The following ANKS1B variants were observed in gnomAD, a reference collection of about 807,000 sequenced individuals.
The protein encoded by ANKS1B is ankyrin repeat and sterile alpha motif domain containing 1B.
In ANKS1B, 36 loss-of-function variants were observed where a neutral mutation model predicts 148.3. The observed-to-expected ratio is 0.24, with a 90% CI of 0.19 to 0.32. The LOEUF is 0.32. Among genes scored for constraint, ANKS1B ranks in the 10% least tolerant of loss-of-function variants. The pLI is 1.00. For missense variants in ANKS1B, 1,157 were observed against 1,542.6 expected, an observed-to-expected ratio of 0.75 and a Z score of 4.19; for synonymous variants, 542 against 560.8, an observed-to-expected ratio of 0.97 and a Z score of 0.47.
intron 12 of ANKS1B, among the ~76,000 whole-genome samples, chr12:99,281,369 C>T (rs190139697): frequency 1.4e-4 from 22 of 152,214 alleles, no homozygotes; most frequent in Non-Finnish European, 2.6e-4. Flanking sequence ...TACCTCTTTG[C>T]TTGTGAATTT....
intron 19 of ANKS1B, among the ~76,000 whole-genome samples, chr12:98,821,419 C>G (rs2153662854): frequency 6.6e-6 from 1 of 152,332 alleles, no homozygotes; most frequent in Admixed American, 6.5e-5. Flanking sequence ...CCTTACTCCT[C>G]AGTCCACATT....
chr12:99,086,891 T>C (rs557248483), intron 15 of ANKS1B, among the ~76,000 whole-genome samples: 86 of 152,248 alleles, frequency 5.6e-4, no homozygotes, highest in South Asian at 1.7e-3. Flanking sequence ...TGAGTACCAT[T>C]AGACACTCAA....
intron 14 of ANKS1B, among the ~76,000 whole-genome samples, chr12:99,158,086 A>C (rs1448207266): frequency 1.3e-5 from 2 of 152,112 alleles, no homozygotes; most frequent in African/African-American, 2.4e-5. Flanking sequence ...AAGAAGGAAA[A>C]AAAAGAAGAC....
chr12:99,039,847 A>G (rs984191338), intron 17 of ANKS1B, among the ~76,000 whole-genome samples: 4 of 152,104 alleles, frequency 2.6e-5, no homozygotes, highest in Non-Finnish European at 4.4e-5. Flanking sequence ...CCCCTTCTCT[A>G]TATTCAAAGC....
rs183238668 is a variant in ANKS1B at position 99,766,784 on chromosome 12, A to G, written c.1128+6138T>C. Among the ~76,000 whole-genome samples the G allele has an allele frequency of 1.7e-3, 263 of 152,308 alleles. 2 individuals are homozygous for G. The highest frequency in any genetic ancestry group is 5.3e-3 in the African/African-American group (222 of 41,574). ...ATGCTAAAGAATCAGTTATGTTCCTATAATAAGCCTCTATTTACATTTCAA... is the reference window on the plus strand; with the variant it reads ...ATGCTAAAGAATCAGTTATGTTCCTGTAATAAGCCTCTATTTACATTTCAA... On this transcript the variant is annotated intron_variant, in intron 8 of 26. Transcript: ENST00000683438.
At chr12:99,827,035 C>T (rs2083287114) in intron 1 of ANKS1B, among the ~76,000 whole-genome samples, 3 of 152,010 alleles carry the variant, frequency 2.0e-5, no homozygotes, top group African/African-American at 7.2e-5. Context: ...AGAAGGGTTG[C>T]TTCAGCCTGG....
chr12:99,430,885 A>C (rs2095358385), intron 11 of ANKS1B, among the ~76,000 whole-genome samples: 1 of 152,216 alleles, frequency 6.6e-6, no homozygotes, highest in African/African-American at 2.4e-5. Flanking sequence ...CATGATGATA[A>C]TAAAAAGTAT....
intron 15 of ANKS1B, among the ~76,000 whole-genome samples, chr12:99,139,216 TTCTC>T (rs1198010710): frequency 6.8e-6 from 1 of 146,050 alleles, no homozygotes; most frequent in African/African-American, 2.6e-5. Context: ...CCTTCCTTCC[TTCTC>T]TTTCTTTCCT....
intron 11 of ANKS1B, among the ~76,000 whole-genome samples, chr12:99,430,710 T>C (rs146971229): frequency 2.6e-4 from 39 of 152,310 alleles, no homozygotes; most frequent in African/African-American, 9.4e-4. Flanking sequence ...GTTTCTCCTC[T>C]TCAGAGACAT....
rs935787405 is a variant in ANKS1B, at chr12:99,307,037, C to T, written c.1757-60173G>A. On this transcript the variant is annotated intron_variant, in intron 12 of 26. Coordinates refer to ENST00000683438, the MANE Select transcript of ANKS1B (RefSeq NM_001352186.2). Reference sequence around the variant, plus strand: ...ATGGTCCTTGTCGTCCCTGGCTCTGCCTTCTTCTAACTTTTGCACTTAAGG... The same window carrying T: ...ATGGTCCTTGTCGTCCCTGGCTCTGTCTTCTTCTAACTTTTGCACTTAAGG... Among the ~76,000 whole-genome samples, 3 of 152,168 alleles carry T rather than the reference C, an allele frequency of 2.0e-5. No homozygotes were observed. The South Asian group carries it at 6.2e-4, about 32-fold the overall frequency.
chr12:99,883,017 A>G (rs1026281728), intron 1 of ANKS1B, among the ~76,000 whole-genome samples: 1 of 152,244 alleles, frequency 6.6e-6, no homozygotes, highest in Non-Finnish European at 1.5e-5. Context: ...TGACTAAAAG[A>G]AAGTTCTTCA....
intron 17 of ANKS1B, among the ~76,000 whole-genome samples, chr12:98,889,416 C>T (rs780302505): frequency 1.3e-5 from 2 of 151,590 alleles, no homozygotes; most frequent in Admixed American, 6.6e-5. Flanking sequence ...GGCACTATCT[C>T]GGCTCACTGC....
chr12:98,855,165 C>CA (rs60609011), intron 17 of ANKS1B, among the ~76,000 whole-genome samples: 22,590 of 86,424 alleles, frequency 0.26, 2,733 homozygotes, highest in African/African-American at 0.41. Context: ...GACTCCGTCT[C>CA]AAAAAAAAAA....
rs1264746042 is a variant in ANKS1B, at chr12:98,750,982, G to A, written c.3747+373C>T. On this transcript the variant is annotated intron_variant, in intron 26 of 26. Coordinates refer to ENST00000683438, the MANE Select transcript of ANKS1B (RefSeq NM_001352186.2). ...CTGCAAACCTCTCTGGAGGCCAGGG[G>A]CTTGTAGGAGGCTTTGCCCTCTGAT... 2.0e-5 allele frequency among the ~76,000 whole-genome samples: 3 copies of A among 152,238 alleles called. No homozygotes were observed. The East Asian group carries it at 5.8e-4, about 29-fold the overall frequency.
intron 2 of ANKS1B, 22 bp downstream of exon 2, chr12:99,825,287 C>A: frequency 6.3e-7 from 1 of 1,590,912 alleles, no homozygotes; most frequent in South Asian, 1.1e-5. Context: ...CACACGATTC[C>A]GTCCAAATAA....
At chr12:99,395,935 T>C (rs1358975432) in intron 12 of ANKS1B, among the ~76,000 whole-genome samples, 2 of 152,158 alleles carry the variant, frequency 1.3e-5, no homozygotes, top group Non-Finnish European at 2.9e-5. Flanking sequence ...TAAATTTAAA[T>C]TATACTTCTA....
chr12:99,635,321 T>A (rs1299578009), intron 9 of ANKS1B, among the ~76,000 whole-genome samples: 1 of 152,112 alleles, frequency 6.6e-6, no homozygotes, highest in Non-Finnish European at 1.5e-5. Flanking sequence ...ATAGAAGCAT[T>A]TTTCACAACA....
intron 12 of ANKS1B, among the ~76,000 whole-genome samples, chr12:99,291,687 C>T (rs2080012836): frequency 6.6e-6 from 1 of 152,060 alleles, no homozygotes; most frequent in South Asian, 2.1e-4. Flanking sequence ...ACTGGATATC[C>T]TTATGCAGAA....
In ANKS1B at chr12:98,848,473, T is replaced by G. The variant is rs374934692; in HGVS notation, c.2779-16337A>C. 9.2e-5 allele frequency among the ~76,000 whole-genome samples: 14 copies of G among 152,224 alleles called. No homozygotes were observed. The East Asian group carries it at 2.3e-3, about 25-fold the overall frequency. On this transcript the variant is annotated intron_variant, in intron 17 of 26. Coordinates refer to ENST00000683438, the MANE Select transcript of ANKS1B (RefSeq NM_001352186.2). ...ATAGTGTTACTATCACACTTACTGA[T>G]CACATCGAAGTTTTTTCCACCCACA...
Sources: allele counts gnomAD v4.1 joint callset (sites outside exome capture counted in the v4.1 genomes callset), GRCh38; gene constraint gnomAD v4.1.1; transcripts MANE v1.5; gene names NCBI Gene and HGNC (gene_info 2026-07-23, HGNC 2026-07-21).